Variants in HEMK2 observed in about 807,000 individuals in gnomAD.
HEMK2 encodes the protein methyltransferase HEMK2.
At chr21:28,825,743 T>C in the HEMK2 span, among the ~76,000 whole-genome samples, 1 of 152,228 alleles carries the variant, frequency 6.6e-6, no homozygotes, top group Non-Finnish European at 1.5e-5. Context: ...AAAGATCCCC[T>C]GACAACCATA....
chr21:28,631,692 T>C, the HEMK2 span, among the ~76,000 whole-genome samples: 1 of 152,146 alleles, frequency 6.6e-6, no homozygotes, highest in African/African-American at 2.4e-5. Flanking sequence ...CATATAAGTC[T>C]ACTGATTAAA....
chr21:28,816,448 T>C, the HEMK2 span, among the ~76,000 whole-genome samples: 1 of 152,110 alleles, frequency 6.6e-6, no homozygotes, highest in Non-Finnish European at 1.5e-5. Flanking sequence ...AGTTGGAAGA[T>C]CATTTGAAGC....
At chr21:28,730,815 T>A in the HEMK2 span, among the ~76,000 whole-genome samples, 1 of 152,130 alleles carries the variant, frequency 6.6e-6, no homozygotes, top group African/African-American at 2.4e-5. Flanking sequence ...TGCCACATTC[T>A]GTTTGTTAGA....
chr21:28,599,205 A>G, the HEMK2 span, among the ~76,000 whole-genome samples: 1 of 152,236 alleles, frequency 6.6e-6, no homozygotes, highest in Admixed American at 6.5e-5. Context: ...AACGTTCTTG[A>G]TGGTGAAGTA....
chr21:28,630,502 C>T, the HEMK2 span, among the ~76,000 whole-genome samples: 2 of 151,954 alleles, frequency 1.3e-5, no homozygotes, highest in Non-Finnish European at 2.9e-5. Context: ...CAGCACTATT[C>T]ACAATAGCAA....
At chr21:28,682,164 C>T in the HEMK2 span, among the ~76,000 whole-genome samples, 1 of 151,666 alleles carries the variant, frequency 6.6e-6, no homozygotes, top group African/African-American at 2.4e-5. Context: ...TGACAAAGGG[C>T]TAATATCCAG....
At chr21:28,881,510 T>C in the HEMK2 span, among the ~76,000 whole-genome samples, 4 of 152,174 alleles carry the variant, frequency 2.6e-5, no homozygotes, top group Admixed American at 2.0e-4. Context: ...AACATCTTGT[T>C]ACCATGAAGG....
At chr21:28,723,023 A>T in the HEMK2 span, among the ~76,000 whole-genome samples, 2 of 151,874 alleles carry the variant, frequency 1.3e-5, no homozygotes, top group Non-Finnish European at 2.9e-5. Context: ...AAAAAAAAAA[A>T]ATAGAGACAA....
the HEMK2 span, among the ~76,000 whole-genome samples, chr21:28,774,736 T>C: frequency 6.6e-6 from 1 of 152,158 alleles, no homozygotes; most frequent in Non-Finnish European, 1.5e-5. Context: ...TCACTAAGAG[T>C]AGAAATATTT....
chr21:28,868,351 T>C, the HEMK2 span, among the ~76,000 whole-genome samples: 1 of 152,222 alleles, frequency 6.6e-6, no homozygotes, highest in Non-Finnish European at 1.5e-5. Flanking sequence ...TTCCTAGTCA[T>C]AAACATAAAA....
chr21:28,605,529 C>G, the HEMK2 span, among the ~76,000 whole-genome samples: 3 of 151,972 alleles, frequency 2.0e-5, no homozygotes, highest in East Asian at 5.8e-4. Flanking sequence ...TTTTTTTTAA[C>G]TAAGTCAGTT....
the HEMK2 span, among the ~76,000 whole-genome samples, chr21:28,665,264 C>A: frequency 2.7e-5 from 4 of 149,136 alleles, no homozygotes; most frequent in East Asian, 2.0e-4. Context: ...CAGAGAGAGA[C>A]CCTATTCCAA....
the HEMK2 span, among the ~76,000 whole-genome samples, chr21:28,582,758 G>A: frequency 2.0e-5 from 3 of 152,166 alleles, no homozygotes; most frequent in South Asian, 2.1e-4. Context: ...GTAGTAGCCA[G>A]GCTGTTGTCA....
the HEMK2 span, among the ~76,000 whole-genome samples, chr21:28,654,122 G>C: frequency 6.6e-6 from 1 of 152,140 alleles, no homozygotes; most frequent in Non-Finnish European, 1.5e-5. Context: ...ATAAAACTCT[G>C]AGAAAACATG....
At chr21:28,581,142 T>C in the HEMK2 span, among the ~76,000 whole-genome samples, 2 of 152,092 alleles carry the variant, frequency 1.3e-5, no homozygotes, top group East Asian at 1.9e-4. Context: ...CTACCTTGTC[T>C]GAATCTGGTG....
chr21:28,873,604 C>T, the HEMK2 span: 1 of 152,224 alleles, frequency 6.6e-6, no homozygotes, highest in South Asian at 2.1e-4. Context: ...TGACCTTAAT[C>T]ACAGGGCATG....
chr21:28,610,366 CA>C, the HEMK2 span, among the ~76,000 whole-genome samples: 1 of 152,022 alleles, frequency 6.6e-6, no homozygotes, highest in Non-Finnish European at 1.5e-5. Flanking sequence ...GAAAATTTCC[CA>C]CTACCAAGCC....
At chr21:28,707,459 T>C in the HEMK2 span, among the ~76,000 whole-genome samples, 8 of 152,018 alleles carry the variant, frequency 5.3e-5, no homozygotes, top group Admixed American at 5.3e-4. Context: ...TTTCACCATG[T>C]TGGCCAGGCT....
chr21:28,756,751 G>C, the HEMK2 span, among the ~76,000 whole-genome samples: 1 of 152,076 alleles, frequency 6.6e-6, no homozygotes, highest in Non-Finnish European at 1.5e-5. Context: ...AAATAAGAAA[G>C]GAGAATTTTT....
Sources: gnomAD v4.1 joint callset for allele counts (sites outside exome capture counted in the v4.1 genomes callset) on GRCh38, gnomAD v4.1.1 for gene constraint, MANE v1.5 for transcripts, NCBI Gene and HGNC (gene_info 2026-07-23, HGNC 2026-07-21) for gene names.